The following SAP130 variants were observed in gnomAD, a reference collection of about 807,000 sequenced individuals.
SAP130 encodes Sin3A associated protein 130.
A neutral mutation model predicts 103.2 loss-of-function variants in SAP130; 16 were observed. The observed-to-expected ratio is 0.16, with a 90% confidence interval of 0.10 to 0.24. The LOEUF is 0.24. Ranked by LOEUF, SAP130 falls within the 10% of genes least tolerant of loss-of-function variation. The probability of loss-of-function intolerance (pLI) is 1.00; values close to 1 mark genes in which losing one functional copy is unlikely to be tolerated. For missense variants in SAP130, 990 were observed against 1,359.7 expected (o/e 0.73, Z 4.28); for synonymous variants, 477 against 497.0 (o/e 0.96, Z 0.53).
rs1394510163 is a variant in SAP130 at position 127,953,243 on chromosome 2, A to T, written c.2422+1743T>A. Among the ~76,000 whole-genome samples the T allele has an allele frequency of 6.6e-6, 1 of 152,200 alleles. No individual in the cohort carries two copies. The highest frequency in any genetic ancestry group is 1.5e-5 in the Non-Finnish European group (1 of 68,040). ...TCCCAGATACTGTTCTCTCACACTCAACATCCAATCATTACACACTCTTAG... is the reference window on the plus strand; with the variant it reads ...TCCCAGATACTGTTCTCTCACACTCTACATCCAATCATTACACACTCTTAG... On this transcript the variant is annotated intron_variant, in intron 16 of 20. Coordinates refer to ENST00000643581, the MANE Select transcript of SAP130 (RefSeq NM_001330301.2). The surrounding 1 kb of genome is among the most constrained non-coding windows in gnomAD (Gnocchi z 4.0).
chr2:127,967,410 CT>C (rs1192354093), intron 15 of SAP130, among the ~76,000 whole-genome samples: 1 of 152,086 alleles, frequency 6.6e-6, no homozygotes, highest in Non-Finnish European at 1.5e-5. Context: ...GATTTCTTTT[CT>C]TTTTTTGAGA....
intron 15 of SAP130, among the ~76,000 whole-genome samples, chr2:127,969,730 G>A (rs543461497): frequency 2.0e-5 from 3 of 152,252 alleles, no homozygotes; most frequent in Non-Finnish European, 2.9e-5. Context: ...ATTCCTCGGC[G>A]CCTTCCCGAT....
chr2:127,958,635 T>TGAGAGAGAGAGAGAGA (rs372337440), intron 15 of SAP130, among the ~76,000 whole-genome samples: 16 of 127,638 alleles, frequency 1.3e-4, no homozygotes, highest in Non-Finnish European at 2.1e-4. Context: ...GTGAGACAGA[T>TGAGAGAGAGAGAGAGA]GAGAGAGAGA....
At chr2:128,020,640 C>T (rs977863021) in intron 2 of SAP130, among the ~76,000 whole-genome samples, 1 of 152,124 alleles carries the variant, frequency 6.6e-6, no homozygotes, top group Non-Finnish European at 1.5e-5. Context: ...AACATATGTA[C>T]CACTTCTACT....
intron 15 of SAP130, among the ~76,000 whole-genome samples, chr2:127,962,298 T>A (rs1341875176): frequency 2.0e-5 from 3 of 152,214 alleles, no homozygotes. Context: ...GGACCACTGA[T>A]ACTTCTTGAC....
chr2:127,945,428 G>C (rs1679008669), intron 19 of SAP130, 28 bp downstream of exon 19: 1 of 1,354,030 alleles, frequency 7.4e-7, no homozygotes, highest in Non-Finnish European at 1.1e-6. Context: ...TCTTCAGCAT[G>C]ATGAACAACT....
chr2:127,964,289 T>C (rs557598172), intron 15 of SAP130, among the ~76,000 whole-genome samples: 1 of 151,302 alleles, frequency 6.6e-6, no homozygotes, highest in Non-Finnish European at 1.5e-5. Context: ...AGGTCAGGAG[T>C]TCGAGACCAG....
chr2:128,005,269 G>C (rs1187205443), intron 7 of SAP130, among the ~76,000 whole-genome samples: 2 of 152,170 alleles, frequency 1.3e-5, no homozygotes, highest in African/African-American at 4.8e-5. Context: ...ATGCAGTCAA[G>C]GGCGGAGAAG....
intron 11 of SAP130, among the ~76,000 whole-genome samples, chr2:127,993,524 T>A (rs908936779): frequency 6.6e-6 from 1 of 150,554 alleles, no homozygotes; most frequent in East Asian, 1.9e-4. Flanking sequence ...TATCAATAAA[T>A]GTAAAAACAT....
At chr2:127,949,523 T>G (rs1679347129) in intron 18 of SAP130, among the ~76,000 whole-genome samples, 1 of 152,180 alleles carries the variant, frequency 6.6e-6, no homozygotes. Context: ...AGAACTGTGT[T>G]ACACAGTAAC....
At chr2:128,000,250 C>T in intron 8 of SAP130, 57 bp downstream of exon 8, 2 of 1,611,338 alleles carry the variant, frequency 1.2e-6, no homozygotes, top group Non-Finnish European at 1.7e-6. Flanking sequence ...GCACATTTTG[C>T]CCACTTTTGG....
intron 13 of SAP130, among the ~76,000 whole-genome samples, chr2:127,987,568 A>G (rs1194905242): frequency 6.6e-6 from 1 of 152,096 alleles, no homozygotes; most frequent in Non-Finnish European, 1.5e-5. Flanking sequence ...TATCTAGTAT[A>G]GTCTCTCACT....
At chr2:128,010,543 CTT>C (rs1164542095) in intron 6 of SAP130, 150 bp from the exon 7 acceptor site, 4 of 872,124 alleles carry the variant, frequency 4.6e-6, no homozygotes, top group African/African-American at 1.7e-5. Context: ...AAGGAATTCT[CTT>C]TTCAGATAGG....
rs182955684 is a variant in SAP130, at chr2:127,947,543, T to A, written c.2798-1984A>T. On this transcript the variant is annotated intron_variant, in intron 18 of 20. Coordinates refer to ENST00000643581, the MANE Select transcript of SAP130 (RefSeq NM_001330301.2). ...TGATAGCATGAAAATATTGGCTTCATAAAATAAATTTGGAATGTCCTTGCC... is the reference window on the plus strand; with the variant it reads ...TGATAGCATGAAAATATTGGCTTCAAAAAATAAATTTGGAATGTCCTTGCC... Among the ~76,000 whole-genome samples, 514 of 152,344 alleles carry A rather than the reference T, an allele frequency of 3.4e-3. 2 individuals are homozygous for A. Among genetic ancestry groups the A allele is most frequent in the African/African-American group, 0.012 (480 of 41,578 alleles).
At chr2:127,943,277 C>T (rs533108059) in intron 19 of SAP130, among the ~76,000 whole-genome samples, 3 of 152,328 alleles carry the variant, frequency 2.0e-5, no homozygotes, top group Admixed American at 2.0e-4. Flanking sequence ...TTGTTGCCTC[C>T]TCTTCACCTG....
At chr2:127,949,797 T>G in intron 18 of SAP130, 72 bp downstream of exon 18, 2 of 1,499,938 alleles carry the variant, frequency 1.3e-6, no homozygotes, top group Non-Finnish European at 1.8e-6. Context: ...GTGGTTCTGT[T>G]TTTCTCTTCT....
chr2:128,027,057 GA>G, intron 1 of SAP130: 3 of 1,401,388 alleles, frequency 2.1e-6, no homozygotes, highest in Non-Finnish European at 2.8e-6. Context: ...GCGATCTGGG[GA>G]CCCGACCACA....
At chr2:127,947,764 C>CTGTGTGAGAG (rs1553500424) in intron 18 of SAP130, among the ~76,000 whole-genome samples, 3 of 143,312 alleles carry the variant, frequency 2.1e-5, no homozygotes, top group Admixed American at 6.9e-5. Flanking sequence ...TTGTGTGTGT[C>CTGTGTGAGAG]TGTGTGTGTG....
chr2:128,006,725 A>G (rs919566477), intron 7 of SAP130, among the ~76,000 whole-genome samples: 1 of 152,224 alleles, frequency 6.6e-6, no homozygotes, highest in Non-Finnish European at 1.5e-5. Context: ...GGCTGCAGTG[A>G]GCCGTGATCA....
Sources: allele counts gnomAD v4.1 joint callset (sites outside exome capture counted in the v4.1 genomes callset), GRCh38; gene constraint gnomAD v4.1.1; non-coding constraint Gnocchi (gnomAD v3.1); transcripts MANE v1.5; gene names NCBI Gene and HGNC (gene_info 2026-07-23, HGNC 2026-07-21).